The following PDE11A variants were observed in gnomAD, a reference collection of about 807,000 sequenced individuals.
PDE11A encodes the protein dual 3',5'-cyclic-AMP and -GMP phosphodiesterase 11A.
Under a neutral mutation model 100.5 loss-of-function variants are expected in PDE11A, and 100 were observed. The ratio of observed to expected loss-of-function variants is 1.00; its 90% CI spans 0.85 to 1.18. PDE11A has a LOEUF of 1.18. Among genes scored for constraint, PDE11A ranks in the 50% most tolerant of loss-of-function variants. The pLI is 0.00. For synonymous variants in PDE11A, 381 were observed against 420.8 expected (o/e 0.91, Z 1.16); for missense variants, 1,141 against 1,152.6 (o/e 0.99, Z 0.15).
At chr2:177,835,478 T>C (rs1303619946) in intron 6 of PDE11A, among the ~76,000 whole-genome samples, 2 of 152,194 alleles carry the variant, frequency 1.3e-5, no homozygotes, top group African/African-American at 4.8e-5. Flanking sequence ...TTAAACTGCT[T>C]GGTCTAGAAC....
At chr2:177,910,483 T>A (rs1320465764) in intron 2 of PDE11A, among the ~76,000 whole-genome samples, 1 of 152,062 alleles carries the variant, frequency 6.6e-6, no homozygotes, top group Non-Finnish European at 1.5e-5. Context: ...TATTCTGCTA[T>A]TCTGCTCTTT....
intron 4 of PDE11A, among the ~76,000 whole-genome samples, chr2:177,892,568 C>T (rs1292287784): frequency 6.6e-6 from 1 of 152,246 alleles, no homozygotes; most frequent in African/African-American, 2.4e-5. Flanking sequence ...TCCAGTTAAA[C>T]TCAGCCACTT....
chr2:178,014,734 C>T (rs904194500), intron 1 of PDE11A, among the ~76,000 whole-genome samples: 11 of 152,000 alleles, frequency 7.2e-5, no homozygotes, highest in Admixed American at 3.9e-4. Flanking sequence ...TTAAGGAAAG[C>T]GATTTATGTG....
chr2:177,875,948 C>A (rs200287956), intron 4 of PDE11A, 25 bp from the exon 5 acceptor site: 1 of 1,433,926 alleles, frequency 7.0e-7, no homozygotes, highest in African/African-American at 1.4e-5. Context: ...GATAATAAAT[C>A]CAGGTCAATT....
chr2:177,660,285 T>A (rs2080466433), intron 19 of PDE11A, among the ~76,000 whole-genome samples: 1 of 151,994 alleles, frequency 6.6e-6, no homozygotes, highest in African/African-American at 2.4e-5. Context: ...TACATCCTTA[T>A]TAGATAGCTA....
At chr2:177,880,370 C>T (rs1423291811) in intron 4 of PDE11A, among the ~76,000 whole-genome samples, 1 of 152,250 alleles carries the variant, frequency 6.6e-6, no homozygotes, top group Non-Finnish European at 1.5e-5. Flanking sequence ...TGTGATCAAG[C>T]CCCAATAAAG....
At chr2:177,661,479 G>A (rs887972742) in intron 19 of PDE11A, among the ~76,000 whole-genome samples, 2 of 152,030 alleles carry the variant, frequency 1.3e-5, no homozygotes, top group Non-Finnish European at 2.9e-5. Context: ...ATTTCATTTC[G>A]GAAGCACCAA....
At chr2:177,846,063 G>GAGGGAA (rs2083596608) in intron 5 of PDE11A, among the ~76,000 whole-genome samples, 1 of 152,066 alleles carries the variant, frequency 6.6e-6, no homozygotes, top group Non-Finnish European at 1.5e-5. Context: ...GGGAGAGGGA[G>GAGGGAA]AGGGAGAGGC....
intron 9 of PDE11A, among the ~76,000 whole-genome samples, chr2:177,800,377 C>A (rs2082773042): frequency 6.6e-6 from 1 of 151,866 alleles, no homozygotes; most frequent in Non-Finnish European, 1.5e-5. Flanking sequence ...TGCTATATTG[C>A]CCAGGCTGGT....
At chr2:177,764,137 T>C (rs1035632884) in intron 10 of PDE11A, among the ~76,000 whole-genome samples, 1 of 152,272 alleles carries the variant, frequency 6.6e-6, no homozygotes, top group African/African-American at 2.4e-5. Flanking sequence ...CTATTTTTGA[T>C]GCAGTCATTC....
chr2:177,866,530 G>A (rs537399059), intron 5 of PDE11A, among the ~76,000 whole-genome samples: 2 of 152,306 alleles, frequency 1.3e-5, no homozygotes, highest in East Asian at 3.9e-4. Context: ...AAAACCTTTT[G>A]CTCATCTAAT....
intron 1 of PDE11A, among the ~76,000 whole-genome samples, chr2:178,107,781 G>A (rs928146421): frequency 4.7e-5 from 7 of 149,970 alleles, no homozygotes; most frequent in Admixed American, 2.7e-4. Flanking sequence ...GAGTGCCGTG[G>A]TGTGATCTCG....
chr2:177,881,785 G>A (rs1277867682), intron 4 of PDE11A, among the ~76,000 whole-genome samples: 2 of 152,248 alleles, frequency 1.3e-5, no homozygotes, highest in African/African-American at 4.8e-5. Context: ...TATAACAGTA[G>A]AGTGAATAGT....
rs1373468085 is a variant in PDE11A, at chr2:177,997,550, G to A, written c.1071+16752C>T. On this transcript the variant is annotated intron_variant, in intron 2 of 19. Coordinates refer to ENST00000286063, the MANE Select transcript of PDE11A (RefSeq NM_016953.4). ...AACAACTTTAATTTTGTTCTCTTCT[G>A]TTTTCTGTTCTTTTCTGTTCTCACC... The A allele has an allele frequency of 3.5e-6, 3 of 851,092 alleles. No individual in the cohort carries two copies. In the African/African-American group the frequency reaches 5.0e-5, roughly 14 times the overall value. The allele number at this position is 851,092 out of a possible 1,614,324, so 52.7% of individuals were successfully genotyped here. A position where few individuals can be genotyped will look rare whatever the true frequency, so the allele number is the denominator to read the frequency against.
At chr2:177,858,381 T>G (rs200245200) in intron 5 of PDE11A, among the ~76,000 whole-genome samples, 1,729 of 148,992 alleles carry the variant, frequency 0.012, 27 homozygotes, top group East Asian at 0.077. Flanking sequence ...AATCTACAAT[T>G]AACTCAAACA....
chr2:177,881,091 G>A (rs1218150495), intron 4 of PDE11A, among the ~76,000 whole-genome samples: 1 of 152,106 alleles, frequency 6.6e-6, no homozygotes, highest in Non-Finnish European at 1.5e-5. Context: ...ATCCACTGAG[G>A]GCTCAGATAG....
At chr2:177,791,821 A>G (rs2082637305) in intron 9 of PDE11A, among the ~76,000 whole-genome samples, 1 of 152,194 alleles carries the variant, frequency 6.6e-6, no homozygotes, top group East Asian at 1.9e-4. Flanking sequence ...TATGTTAAGG[A>G]AAATGATTGG....
chr2:177,955,289 G>A (rs13410486), intron 2 of PDE11A, among the ~76,000 whole-genome samples: 9,563 of 152,216 alleles, frequency 0.063, 315 homozygotes, highest in South Asian at 0.094. Flanking sequence ...TGAAAGCTGA[G>A]TATGTGTATA....
chr2:178,032,127 A>G (rs948309361), intron 1 of PDE11A, among the ~76,000 whole-genome samples: 15 of 152,182 alleles, frequency 9.9e-5, no homozygotes, highest in African/African-American at 3.6e-4. Flanking sequence ...ATTCAAATAG[A>G]AAAGAAATAA....
Sources: gnomAD v4.1 joint callset for allele counts (sites outside exome capture counted in the v4.1 genomes callset) on GRCh38, gnomAD v4.1.1 for gene constraint, MANE v1.5 for transcripts, NCBI Gene and HGNC (gene_info 2026-07-23, HGNC 2026-07-21) for gene names.